FHIP1A: variants seen among roughly 807,000 people sequenced by gnomAD.
FHIP1A encodes the protein FHF complex subunit HOOK interacting protein 1A, also known as FHF complex subunit HOOK-interacting protein 1A.
A neutral mutation model predicts 88.6 loss-of-function variants in FHIP1A; 61 were observed. The observed-to-expected ratio is 0.69, with a 90% CI of 0.56 to 0.85. The LOEUF (loss-of-function observed/expected upper bound fraction) is 0.85. Among genes scored for constraint, FHIP1A ranks in the 40% least tolerant of loss-of-function variants. The probability of loss-of-function intolerance (pLI) is 0.00; values close to 1 mark genes in which losing one functional copy is unlikely to be tolerated. For synonymous variants in FHIP1A, 478 were observed against 496.0 expected (o/e 0.96, Z 0.48); for missense variants, 1,154 against 1,273.5 (o/e 0.91, Z 1.43).
intron 1 of FHIP1A, among the ~76,000 whole-genome samples, chr4:151,441,800 A>G (rs1230970154): frequency 6.6e-6 from 1 of 152,180 alleles, no homozygotes; most frequent in African/African-American, 2.4e-5. Context: ...ATGGCCTTCC[A>G]TTCCCTTTTT....
chr4:151,614,247 T>C (rs970735513), intron 7 of FHIP1A, among the ~76,000 whole-genome samples: 1 of 151,680 alleles, frequency 6.6e-6, no homozygotes, highest in African/African-American at 2.4e-5. Flanking sequence ...GGCAGGAGGA[T>C]TGCTTGAGCC....
intron 3 of FHIP1A, among the ~76,000 whole-genome samples, chr4:151,545,613 G>A (rs1452997073): frequency 1.3e-5 from 2 of 151,764 alleles, no homozygotes; most frequent in African/African-American, 2.4e-5. Flanking sequence ...TCCTGACCTC[G>A]TGATCCACCG....
At chr4:151,545,108 A>C (rs916121852) in intron 3 of FHIP1A, among the ~76,000 whole-genome samples, 1 of 152,150 alleles carries the variant, frequency 6.6e-6, no homozygotes, top group African/African-American at 2.4e-5. Context: ...CACTGCCCTC[A>C]CTATTTTTGC....
chr4:151,565,080 T>G (rs1733330719), intron 3 of FHIP1A, among the ~76,000 whole-genome samples: 1 of 152,112 alleles, frequency 6.6e-6, no homozygotes, highest in Admixed American at 6.6e-5. Context: ...TACCCCCTGT[T>G]TTCTTTTGAC....
intron 1 of FHIP1A, among the ~76,000 whole-genome samples, chr4:151,441,610 C>T (rs1728415720): frequency 6.6e-6 from 1 of 152,138 alleles, no homozygotes; most frequent in Admixed American, 6.6e-5. Context: ...TGCTCAAGCT[C>T]AAAATATTCA....
intron 3 of FHIP1A, among the ~76,000 whole-genome samples, chr4:151,527,128 C>T (rs1425679874): frequency 1.1e-4 from 17 of 152,030 alleles, no homozygotes; most frequent in African/African-American, 2.9e-4. Flanking sequence ...GGGTGGCGGC[C>T]GGGCAGAGGC....
At chr4:151,614,904 T>C (rs1009027025) in intron 7 of FHIP1A, among the ~76,000 whole-genome samples, 35 of 152,224 alleles carry the variant, frequency 2.3e-4, no homozygotes, top group African/African-American at 8.2e-4. Flanking sequence ...TAAAGCTTTT[T>C]TCCCCCTCTT....
chr4:151,463,777 C>G (rs1325657881), intron 2 of FHIP1A, among the ~76,000 whole-genome samples: 1 of 152,176 alleles, frequency 6.6e-6, no homozygotes, highest in Non-Finnish European at 1.5e-5. Context: ...ACAGTATCAC[C>G]ATGACACTGA....
At chr4:151,471,253 C>T (rs918964107) in intron 2 of FHIP1A, among the ~76,000 whole-genome samples, 12 of 148,278 alleles carry the variant, frequency 8.1e-5, no homozygotes, top group African/African-American at 2.5e-4. Flanking sequence ...CTCAAAGTTC[C>T]TTTTAACTCT....
chr4:151,616,574 G>A (rs1027791527), intron 7 of FHIP1A, among the ~76,000 whole-genome samples: 3 of 146,194 alleles, frequency 2.1e-5, no homozygotes, highest in South Asian at 2.2e-4. Flanking sequence ...TCAACCTTCC[G>A]AGTACCTGGA....
At chr4:151,442,688 G>A (rs1728455929) in intron 1 of FHIP1A, among the ~76,000 whole-genome samples, 1 of 152,114 alleles carries the variant, frequency 6.6e-6, no homozygotes, top group South Asian at 2.1e-4. Flanking sequence ...TGGGTTCAGT[G>A]TTCTTCAGGG....
intron 3 of FHIP1A, among the ~76,000 whole-genome samples, chr4:151,511,046 A>T (rs1354839482): frequency 6.6e-6 from 1 of 152,196 alleles, no homozygotes; most frequent in Non-Finnish European, 1.5e-5. Context: ...AGAGTTACTT[A>T]CAGGCTACTC....
chr4:151,650,175 C>G lies in FHIP1A; in HGVS notation c.2134C>G (p.Pro712Ala). The G allele has an allele frequency of 6.4e-7, 1 of 1,551,658 alleles. No individual in the cohort carries two copies. Among genetic ancestry groups the G allele is most frequent in the Non-Finnish European group, 8.7e-7 (1 of 1,146,980 alleles). ...SDPFHSEPKEPKQEREPEAAP... is the reference protein window; with the variant it reads ...SDPFHSEPKEAKQEREPEAAP... ...CCCGTTTCACAGTGAGCCCAAGGAG[C>G]CAAAGCAAGAGAGGGAACCTGAAGC... The change falls in exon 11 of 14, where the codon CCA becomes GCA. Residue 712 changes from proline to alanine, a missense_variant. Coordinates refer to ENST00000435205, the MANE Select transcript of FHIP1A (RefSeq NM_001109977.3).
At chr4:151,589,652 A>G (rs1216206469) in intron 7 of FHIP1A, among the ~76,000 whole-genome samples, 1 of 152,146 alleles carries the variant, frequency 6.6e-6, no homozygotes, top group Non-Finnish European at 1.5e-5. Context: ...ACTTGATCAT[A>G]TGTTGTTTTG....
chr4:151,507,414 G>A (rs1730873127), intron 3 of FHIP1A, among the ~76,000 whole-genome samples: 1 of 152,082 alleles, frequency 6.6e-6, no homozygotes, highest in Non-Finnish European at 1.5e-5. Flanking sequence ...AGGAATGAGT[G>A]AGGAAAAAAT....
At chr4:151,605,482 C>A (rs1735037312) in intron 7 of FHIP1A, among the ~76,000 whole-genome samples, 1 of 152,132 alleles carries the variant, frequency 6.6e-6, no homozygotes. Flanking sequence ...AAAGAGCAGC[C>A]AGCTGTGTTT....
At chr4:151,456,918 G>C (rs889189380) in intron 2 of FHIP1A, among the ~76,000 whole-genome samples, 1 of 151,580 alleles carries the variant, frequency 6.6e-6, no homozygotes, top group African/African-American at 2.4e-5. Flanking sequence ...TGTATAGCTT[G>C]AAAAAAACCT....
intron 7 of FHIP1A, among the ~76,000 whole-genome samples, chr4:151,614,594 C>T (rs77117823): frequency 0.026 from 4,000 of 152,048 alleles, 176 homozygotes; most frequent in African/African-American, 0.09. Flanking sequence ...CAGTATTCTC[C>T]TGGGGCCCAG....
intron 3 of FHIP1A, among the ~76,000 whole-genome samples, chr4:151,498,095 T>A (rs943007303): frequency 1.3e-5 from 2 of 152,256 alleles, no homozygotes; most frequent in African/African-American, 4.8e-5. Context: ...CCCATCTGTG[T>A]TTTTTGTATT....
Sources: allele counts gnomAD v4.1 joint callset (sites outside exome capture counted in the v4.1 genomes callset), GRCh38; gene constraint gnomAD v4.1.1; transcripts MANE v1.5; gene names NCBI Gene and HGNC (gene_info 2026-07-23, HGNC 2026-07-21).